Variants in TSPAN18 observed in about 807,000 individuals in gnomAD.
TSPAN18 encodes the protein tetraspanin-18.
TSPAN18 carries 14 observed loss-of-function variants against 27.3 expected under a neutral mutation model. That is an observed-to-expected ratio of 0.51 (90% CI 0.34 to 0.80). The LOEUF (loss-of-function observed/expected upper bound fraction) is 0.80, where lower values mean the gene tolerates loss of function less well. Among genes scored for constraint, TSPAN18 ranks in the 30% least tolerant of loss-of-function variants. TSPAN18 has a pLI of 0.01. For missense variants in TSPAN18, 268 were observed against 323.9 expected (o/e 0.83, Z 1.32); for synonymous variants, 143 against 136.5 (o/e 1.05, Z -0.33).
chr11:44,742,093 G>C lies in TSPAN18; in HGVS notation c.-240+14806G>C, dbSNP rs1590408196. ...CCTGCTGCAGCTATGGAATCGGGTA[G>C]ATCACCCAGCAGGTGGAGGGGGTAT... On this transcript the variant is annotated intron_variant, in intron 1 of 9. Transcript: ENST00000520358. 2.0e-5 allele frequency among the ~76,000 whole-genome samples: 3 copies of C among 152,208 alleles called. No individual in the cohort carries two copies. In the East Asian group the frequency reaches 5.8e-4, roughly 29 times the overall value.
intron 1 of TSPAN18, among the ~76,000 whole-genome samples, chr11:44,746,862 C>T (rs577888282): frequency 6.6e-6 from 1 of 152,374 alleles, no homozygotes; most frequent in South Asian, 2.1e-4. Flanking sequence ...ACTTCCCCCA[C>T]TGCTTGCCTG....
chr11:44,837,177 C>A (rs1038978844), intron 2 of TSPAN18, among the ~76,000 whole-genome samples: 1 of 152,240 alleles, frequency 6.6e-6, no homozygotes, highest in Non-Finnish European at 1.5e-5. Context: ...TTCACCATTC[C>A]AGATGCCATT....
At position 44,889,564 on chromosome 11, in the gene TSPAN18, A is replaced by G. The variant is rs939435778; in HGVS notation, c.-10-16843A>G. Reference sequence around the variant, plus strand: ...CAACCATCCAGTTTGGGCTGCCTAGAAGAGGAGGGGGCAGAGGCCAAGAGC... The same window carrying G: ...CAACCATCCAGTTTGGGCTGCCTAGGAGAGGAGGGGGCAGAGGCCAAGAGC... On this transcript the variant is annotated intron_variant, in intron 3 of 9. Coordinates refer to ENST00000520358, the MANE Select transcript of TSPAN18 (RefSeq NM_130783.5). Among the ~76,000 whole-genome samples, 98 of 152,208 alleles carry G rather than the reference A, an allele frequency of 6.4e-4. 1 individual carries two copies. The highest frequency in any genetic ancestry group is 1.8e-4 in the Non-Finnish European group (12 of 68,036).
intron 3 of TSPAN18, among the ~76,000 whole-genome samples, chr11:44,875,433 C>T (rs1017720608): frequency 6.6e-6 from 1 of 152,200 alleles, no homozygotes; most frequent in Admixed American, 6.5e-5. Flanking sequence ...TAGGGGCTGC[C>T]GAGGGATTTA....
chr11:44,746,684 G>A (rs1207369939), intron 1 of TSPAN18, among the ~76,000 whole-genome samples: 1 of 152,210 alleles, frequency 6.6e-6, no homozygotes, highest in East Asian at 1.9e-4. Context: ...TTGAGCCGAG[G>A]AGTTAGAAGC....
At chr11:44,787,705 C>A (rs995112685) in intron 2 of TSPAN18, among the ~76,000 whole-genome samples, 1 of 152,238 alleles carries the variant, frequency 6.6e-6, no homozygotes, top group East Asian at 1.9e-4. Flanking sequence ...GAATAGATAT[C>A]GGCAGATGTG....
At chr11:44,836,488 C>T (rs568560987) in intron 2 of TSPAN18, among the ~76,000 whole-genome samples, 7 of 152,280 alleles carry the variant, frequency 4.6e-5, no homozygotes, top group Admixed American at 1.3e-4. Flanking sequence ...TAAAAGCCCA[C>T]GGTGAGGCAG....
At position 44,902,122 on chromosome 11, in the gene TSPAN18, CAG is replaced by C. The variant is rs59712320; in HGVS notation, c.-10-4284_-10-4283del. 4.3e-3 allele frequency among the ~76,000 whole-genome samples: 661 copies of C among 152,336 alleles called. 6 individuals are homozygous for C. Among genetic ancestry groups the C allele is most frequent in the African/African-American group, 0.015 (636 of 41,580 alleles). ...GCATTGTCCTGGGTTTATGGTCTAA[CAG>C]GGAACAGCAGGCCTATGAGTAACCT... On this transcript the variant is annotated intron_variant, in intron 3 of 9. Transcript: ENST00000520358.
chr11:44,783,895 C>T (rs910899087), intron 2 of TSPAN18, among the ~76,000 whole-genome samples: 6 of 152,168 alleles, frequency 3.9e-5, no homozygotes, highest in African/African-American at 1.4e-4. Flanking sequence ...CTTTTCCTGG[C>T]TGTTCACAAA....
intron 3 of TSPAN18, among the ~76,000 whole-genome samples, chr11:44,860,987 AATATATATTCCAAAT>A (rs1416690592): frequency 3.9e-4 from 60 of 152,200 alleles, no homozygotes; most frequent in Admixed American, 7.9e-4. Flanking sequence ...GGTTTCTAAT[AATATATATTCCAAAT>A]ATATATATTC....
chr11:44,893,485 A>ATGAG (rs1454773717), intron 3 of TSPAN18, among the ~76,000 whole-genome samples: 1 of 152,196 alleles, frequency 6.6e-6, no homozygotes, highest in Non-Finnish European at 1.5e-5. Flanking sequence ...CTGTCTTGGG[A>ATGAG]TGAGGCCCAG....
chr11:44,848,764 C>T (rs527967671), intron 2 of TSPAN18, among the ~76,000 whole-genome samples: 6 of 152,322 alleles, frequency 3.9e-5, no homozygotes, highest in East Asian at 1.9e-4. Context: ...GTTCTCTTGA[C>T]GCCACATGGC....
At chr11:44,893,928 G>A (rs2135289745) in intron 3 of TSPAN18, among the ~76,000 whole-genome samples, 1 of 152,288 alleles carries the variant, frequency 6.6e-6, no homozygotes, top group East Asian at 1.9e-4. Context: ...TATCTTGCCT[G>A]GCAAGCCCAG....
chr11:44,864,687 A>G (rs910140903), intron 3 of TSPAN18, among the ~76,000 whole-genome samples: 1 of 152,258 alleles, frequency 6.6e-6, no homozygotes, highest in South Asian at 2.1e-4. Flanking sequence ...CCAGTTCAGC[A>G]TCAGGAAAAC....
chr11:44,835,107 C>A (rs1312420019), intron 2 of TSPAN18, among the ~76,000 whole-genome samples: 1 of 152,176 alleles, frequency 6.6e-6, no homozygotes, highest in Non-Finnish European at 1.5e-5. Context: ...GAGCAGGGGG[C>A]TCCGGCAGCT....
At chr11:44,792,340 C>T (rs1856246328) in intron 2 of TSPAN18, among the ~76,000 whole-genome samples, 1 of 152,158 alleles carries the variant, frequency 6.6e-6, no homozygotes, top group Admixed American at 6.5e-5. Context: ...GAGGGGACCG[C>T]AGGCACGCAC....
rs117469002 is a variant in TSPAN18, at chr11:44,849,705, A to G, written c.-152-10623A>G. Among the ~76,000 whole-genome samples, 289 of 152,170 alleles carry G rather than the reference A, an allele frequency of 1.9e-3. 6 individuals are homozygous for G. In the East Asian group the frequency reaches 0.04, roughly 21 times the overall value. ...GGCCCAGCACCCAAAGCACCTGCAC[A>G]CCCTGAAAGCCCTCAGTCTAGGATG... On this transcript the variant is annotated intron_variant, in intron 2 of 9. Coordinates refer to ENST00000520358, the MANE Select transcript of TSPAN18 (RefSeq NM_130783.5).
intron 5 of TSPAN18, among the ~76,000 whole-genome samples, chr11:44,911,412 G>T (rs1253402163): frequency 6.6e-6 from 1 of 152,184 alleles, no homozygotes; most frequent in Non-Finnish European, 1.5e-5. Context: ...AGTCAGCTGC[G>T]AAATGAGTGA....
intron 1 of TSPAN18, among the ~76,000 whole-genome samples, chr11:44,742,477 C>T (rs988398946): frequency 1.3e-5 from 2 of 152,026 alleles, no homozygotes; most frequent in African/African-American, 4.8e-5. Context: ...TGAGGGTCAT[C>T]CATCCAGAAG....
Sources: gnomAD v4.1 joint callset for allele counts (sites outside exome capture counted in the v4.1 genomes callset) on GRCh38, gnomAD v4.1.1 for gene constraint, MANE v1.5 for transcripts, NCBI Gene and HGNC (gene_info 2026-07-23, HGNC 2026-07-21) for gene names.